Variants in UNC5D observed in about 807,000 individuals in gnomAD.
UNC5D encodes the protein unc-5 netrin receptor D, also known as netrin receptor UNC5D.
Under a neutral mutation model 105.4 loss-of-function variants are expected in UNC5D, and 39 were observed. The observed-to-expected ratio is 0.37, with a 90% CI of 0.29 to 0.48. UNC5D has a LOEUF of 0.48. UNC5D is among the 20% of genes least tolerant of loss of function. The probability of loss-of-function intolerance (pLI) is 0.98; values close to 1 mark genes in which losing one functional copy is unlikely to be tolerated. For synonymous variants in UNC5D, 452 were observed against 450.4 expected (o/e 1.00, Z -0.04); for missense variants, 991 against 1,202.4 (o/e 0.82, Z 2.60).
chr8:35,735,817 C>T lies in UNC5D; in HGVS notation c.1766+4721C>T, dbSNP rs77236038. On this transcript the variant is annotated intron_variant, in intron 11 of 16. Transcript: ENST00000404895. ...ACACACAAAAACAAAATCATACACA[C>T]GCCTCCTCATATATCATGCAGACCT... is the stretch of plus-strand genomic sequence containing the variant. Among the ~76,000 whole-genome samples the T allele has an allele frequency of 5.3e-4, 80 of 152,308 alleles. 1 individual carries two copies. In the East Asian group the frequency reaches 0.013, roughly 24 times the overall value.
intron 1 of UNC5D, among the ~76,000 whole-genome samples, chr8:35,440,819 G>C (rs1402546014): frequency 6.6e-6 from 1 of 151,884 alleles, no homozygotes; most frequent in East Asian, 1.9e-4. Flanking sequence ...ATTGATGAGT[G>C]CTATTTTTGT....
intron 2 of UNC5D, 144 bp downstream of exon 2, chr8:35,549,654 A>T: frequency 1.3e-6 from 1 of 780,302 alleles, no homozygotes; most frequent in Non-Finnish European, 2.0e-6. Context: ...TATAAGATGC[A>T]ATCCTTTTCT....
intron 1 of UNC5D, among the ~76,000 whole-genome samples, chr8:35,348,003 A>G (rs1811926705): frequency 6.6e-6 from 1 of 151,962 alleles, no homozygotes; most frequent in South Asian, 2.1e-4. Flanking sequence ...AATTCTTCAA[A>G]CTGCAGAAGT....
At chr8:35,761,860 G>T (rs1423924035) in intron 14 of UNC5D, among the ~76,000 whole-genome samples, 1 of 152,156 alleles carries the variant, frequency 6.6e-6, no homozygotes, top group East Asian at 1.9e-4. Flanking sequence ...GGGAGGGTTT[G>T]TGTTCAGCCT....
intron 4 of UNC5D, among the ~76,000 whole-genome samples, chr8:35,625,541 A>T (rs1586280268): frequency 1.3e-5 from 2 of 152,348 alleles, no homozygotes; most frequent in East Asian, 3.9e-4. Context: ...GTTTTTGTAC[A>T]CATACTGTAA....
At chr8:35,496,152 G>A (rs895401342) in intron 1 of UNC5D, among the ~76,000 whole-genome samples, 1 of 152,172 alleles carries the variant, frequency 6.6e-6, no homozygotes, top group African/African-American at 2.4e-5. Flanking sequence ...TAATCCTTCA[G>A]GTGCAATCTA....
intron 1 of UNC5D, among the ~76,000 whole-genome samples, chr8:35,326,638 C>A (rs918591656): frequency 2.0e-5 from 3 of 152,044 alleles, no homozygotes; most frequent in African/African-American, 7.2e-5. Context: ...CCTGTAGTGC[C>A]ATCTACTTGG....
At chr8:35,665,385 T>C (rs1586370951) in intron 4 of UNC5D, among the ~76,000 whole-genome samples, 1 of 152,160 alleles carries the variant, frequency 6.6e-6, no homozygotes, top group South Asian at 2.1e-4. Flanking sequence ...CAAGGTTGAG[T>C]GTAAGCCCCT....
At chr8:35,622,920 TCA>T (rs1381540092) in intron 4 of UNC5D, among the ~76,000 whole-genome samples, 2 of 152,314 alleles carry the variant, frequency 1.3e-5, no homozygotes, top group Admixed American at 1.3e-4. Context: ...ATGATCTCTC[TCA>T]GTTTTAGGAG....
chr8:35,247,300 C>G (rs1353195292), intron 1 of UNC5D, among the ~76,000 whole-genome samples: 1 of 148,372 alleles, frequency 6.7e-6, no homozygotes, highest in Non-Finnish European at 1.5e-5. Flanking sequence ...CTTTGGCTTA[C>G]AGAATGCTGA....
chr8:35,494,745 A>T (rs1391954997), intron 1 of UNC5D, among the ~76,000 whole-genome samples: 1 of 152,332 alleles, frequency 6.6e-6, no homozygotes, highest in Non-Finnish European at 1.5e-5. Flanking sequence ...GCCATCTATA[A>T]CATGAAAATA....
chr8:35,456,119 A>G (rs528954047), intron 1 of UNC5D, among the ~76,000 whole-genome samples: 3 of 152,342 alleles, frequency 2.0e-5, no homozygotes, highest in South Asian at 2.1e-4. Flanking sequence ...ATTTATTAAA[A>G]GAGGTAAATG....
chr8:35,519,660 G>A (rs574518833), intron 1 of UNC5D, among the ~76,000 whole-genome samples: 7 of 152,194 alleles, frequency 4.6e-5, no homozygotes, highest in African/African-American at 1.7e-4. Context: ...TTGACAGATT[G>A]AATAAGTAAA....
chr8:35,723,390 A>G (rs970933695), intron 9 of UNC5D, among the ~76,000 whole-genome samples: 1 of 152,188 alleles, frequency 6.6e-6, no homozygotes, highest in African/African-American at 2.4e-5. Flanking sequence ...AGTTTAGTAT[A>G]TGTAGTTAAT....
chr8:35,672,621 T>G (rs995481356), intron 4 of UNC5D, among the ~76,000 whole-genome samples: 5 of 152,196 alleles, frequency 3.3e-5, no homozygotes, highest in African/African-American at 1.2e-4. Flanking sequence ...AATGGCAGCA[T>G]GTAACCTCCC....
At chr8:35,450,745 C>T (rs555914763) in intron 1 of UNC5D, among the ~76,000 whole-genome samples, 9 of 152,238 alleles carry the variant, frequency 5.9e-5, no homozygotes, top group South Asian at 2.1e-4. Flanking sequence ...GAAAATGATA[C>T]GCCTTCCATA....
chr8:35,601,219 A>G (rs961277007), intron 4 of UNC5D, among the ~76,000 whole-genome samples: 7 of 152,046 alleles, frequency 4.6e-5, no homozygotes, highest in African/African-American at 1.4e-4. Flanking sequence ...AGTATAGTTT[A>G]AAGTCAGGTA....
intron 1 of UNC5D, among the ~76,000 whole-genome samples, chr8:35,439,610 A>G (rs999829693): frequency 5.3e-5 from 8 of 151,976 alleles, no homozygotes; most frequent in Non-Finnish European, 1.2e-4. Flanking sequence ...TTCAGGCTTC[A>G]TTTTCTCCAC....
intron 1 of UNC5D, among the ~76,000 whole-genome samples, chr8:35,272,396 A>G (rs1326532822): frequency 6.6e-6 from 1 of 152,148 alleles, no homozygotes; most frequent in East Asian, 1.9e-4. Flanking sequence ...TGAGGGGAAG[A>G]GAAGACTCAG....
Sources: gnomAD v4.1 joint callset for allele counts (sites outside exome capture counted in the v4.1 genomes callset) on GRCh38, gnomAD v4.1.1 for gene constraint, MANE v1.5 for transcripts, NCBI Gene and HGNC (gene_info 2026-07-23, HGNC 2026-07-21) for gene names.